The following SUPT3H variants were observed in gnomAD, a reference collection of about 807,000 sequenced individuals.
SUPT3H encodes the protein transcription initiation protein SPT3 homolog.
SUPT3H carries 44 observed loss-of-function variants against 44.3 expected under a neutral mutation model. The ratio of observed to expected loss-of-function variants is 0.99; its 90% CI spans 0.78 to 1.28. SUPT3H has a LOEUF of 1.28. Ranked by LOEUF, SUPT3H falls within the 50% of genes most tolerant of loss-of-function variation. The pLI is 0.00. For synonymous variants in SUPT3H, 124 were observed against 125.6 expected, an observed-to-expected ratio of 0.99 and a Z score of 0.09; for missense variants, 380 against 387.1, an observed-to-expected ratio of 0.98 and a Z score of 0.15.
chr6:45,063,497 G>A (rs1318530543), intron 3 of SUPT3H, among the ~76,000 whole-genome samples: 5 of 136,928 alleles, frequency 3.7e-5, no homozygotes, highest in Admixed American at 7.5e-5. Flanking sequence ...GGCTTCAGAC[G>A]ATCAAATTAC....
At chr6:44,856,579 C>T (rs961782317) in intron 10 of SUPT3H, among the ~76,000 whole-genome samples, 10 of 152,144 alleles carry the variant, frequency 6.6e-5, no homozygotes, top group Admixed American at 1.3e-4. Context: ...TTTTCCAATT[C>T]TCTAACATTT....
intron 10 of SUPT3H, among the ~76,000 whole-genome samples, chr6:44,868,203 T>C (rs1462854834): frequency 1.3e-5 from 2 of 152,212 alleles, no homozygotes; most frequent in African/African-American, 4.8e-5. Flanking sequence ...CCCCCATAGC[T>C]GGTGTACAAG....
intron 2 of SUPT3H, among the ~76,000 whole-genome samples, chr6:45,299,484 C>T (rs1781806046): frequency 6.6e-6 from 1 of 152,196 alleles, no homozygotes. Context: ...CATATGCACA[C>T]ACAAAAATGT....
At chr6:44,879,450 C>T (rs1466572170) in intron 10 of SUPT3H, among the ~76,000 whole-genome samples, 1 of 152,196 alleles carries the variant, frequency 6.6e-6, no homozygotes, top group Non-Finnish European at 1.5e-5. Context: ...ATAAAGCTCC[C>T]ATCTTCCTGG....
chr6:44,991,506 TC>T (rs1780607860), intron 6 of SUPT3H, among the ~76,000 whole-genome samples: 1 of 60,150 alleles, frequency 1.7e-5, no homozygotes, highest in African/African-American at 6.5e-5. Context: ...AATCCAAAAT[TC>T]TTTTTATTTA....
intron 2 of SUPT3H, among the ~76,000 whole-genome samples, chr6:45,354,690 C>T (rs997843589): frequency 3.3e-5 from 5 of 151,728 alleles, no homozygotes; most frequent in Admixed American, 2.6e-4. Context: ...TCTCTAGACA[C>T]ATTTAAAAAA....
intron 4 of SUPT3H, among the ~76,000 whole-genome samples, chr6:45,018,463 G>T (rs530757941): frequency 1.3e-3 from 205 of 151,898 alleles, no homozygotes; most frequent in African/African-American, 4.8e-3. Flanking sequence ...TGCCCATTCA[G>T]TATGATATTG....
rs1057421820 is a variant in SUPT3H, at chr6:45,377,869, G to C, written c.-102C>G. 1.3e-5 allele frequency: 2 copies of C among 153,802 alleles called. No homozygotes were observed. Among genetic ancestry groups the C allele is most frequent in the African/African-American group, 4.8e-5 (2 of 41,466 alleles). The allele number at this position is 153,802 out of a possible 1,614,324, so 9.5% of individuals were successfully genotyped here. On this transcript the variant is annotated 5_prime_UTR_variant, in exon 1 of 11. Transcript: ENST00000371459. ...TGCTGCTGCGGCCCGGGACACGCTT[G>C]GAAAGGGGCGGGGTGGGGGACTGAG...
At chr6:45,010,859 C>A (rs1351227016) in intron 5 of SUPT3H, among the ~76,000 whole-genome samples, 3 of 152,096 alleles carry the variant, frequency 2.0e-5, no homozygotes, top group Non-Finnish European at 4.4e-5. Context: ...TCAGTCCATG[C>A]AATCATCTTT....
intron 6 of SUPT3H, among the ~76,000 whole-genome samples, chr6:45,002,399 T>C (rs1414430170): frequency 6.6e-6 from 1 of 152,070 alleles, no homozygotes; most frequent in Non-Finnish European, 1.5e-5. Context: ...AGTTACCTGT[T>C]CAATTTTACT....
At chr6:44,979,879 A>T (rs1778854585) in intron 6 of SUPT3H, among the ~76,000 whole-genome samples, 1 of 152,214 alleles carries the variant, frequency 6.6e-6, no homozygotes, top group Non-Finnish European at 1.5e-5. Context: ...CCAAACTGTT[A>T]ACTAAAACAA....
intron 3 of SUPT3H, among the ~76,000 whole-genome samples, chr6:45,104,200 T>A (rs1353455647): frequency 6.6e-6 from 1 of 152,152 alleles, no homozygotes; most frequent in African/African-American, 2.4e-5. Context: ...CTTCCTTTTT[T>A]ATCTACATTC....
chr6:45,180,783 A>G lies in SUPT3H; in HGVS notation c.102-74777T>C, dbSNP rs944831433. 2.7e-3 allele frequency among the ~76,000 whole-genome samples: 416 copies of G among 152,224 alleles called. 1 individual carries two copies. The highest frequency in any genetic ancestry group is 4.6e-3 in the Admixed American group (70 of 15,286). ...AAAAACCCTGGAAGAAAACCTAGGC[A>G]ATACCATTCAGGACATAGGCATGGG... On this transcript the variant is annotated intron_variant, in intron 2 of 10. Coordinates refer to ENST00000371459, the MANE Select transcript of SUPT3H (RefSeq NM_003599.4).
At chr6:44,895,671 G>A (rs1180941422) in intron 10 of SUPT3H, among the ~76,000 whole-genome samples, 1 of 152,036 alleles carries the variant, frequency 6.6e-6, no homozygotes, top group African/African-American at 2.4e-5. Context: ...CAGCCTGATG[G>A]AATAACTGCA....
chr6:45,312,017 TATAAC>T (rs886785081), intron 2 of SUPT3H, among the ~76,000 whole-genome samples: 1 of 152,180 alleles, frequency 6.6e-6, no homozygotes, highest in Admixed American at 6.5e-5. Context: ...ATGCTCCACT[TATAAC>T]ATACAGAATT....
intron 2 of SUPT3H, among the ~76,000 whole-genome samples, chr6:45,269,151 C>T (rs1179979587): frequency 6.6e-6 from 1 of 152,060 alleles, no homozygotes; most frequent in Non-Finnish European, 1.5e-5. Context: ...AGGATAACGG[C>T]AAAACATGGT....
chr6:45,329,663 T>C (rs1289341457), intron 2 of SUPT3H, among the ~76,000 whole-genome samples: 1 of 151,952 alleles, frequency 6.6e-6, no homozygotes, highest in Non-Finnish European at 1.5e-5. Flanking sequence ...AAGGATACCC[T>C]GTATGATTTT....
intron 3 of SUPT3H, among the ~76,000 whole-genome samples, chr6:45,103,217 T>C (rs1184321627): frequency 6.6e-6 from 1 of 152,188 alleles, no homozygotes; most frequent in Non-Finnish European, 1.5e-5. Context: ...GTTAGGTATA[T>C]CATTCAATGT....
chr6:45,225,510 C>G (rs192320036), intron 2 of SUPT3H, among the ~76,000 whole-genome samples: 2 of 152,196 alleles, frequency 1.3e-5, no homozygotes, highest in East Asian at 3.9e-4. Flanking sequence ...TAAATCTATA[C>G]AAAATTTCTT....
Sources: allele counts gnomAD v4.1 joint callset (sites outside exome capture counted in the v4.1 genomes callset), GRCh38; gene constraint gnomAD v4.1.1; transcripts MANE v1.5; gene names NCBI Gene and HGNC (gene_info 2026-07-23, HGNC 2026-07-21).